SRBD1: variants seen among roughly 807,000 people sequenced by gnomAD.
SRBD1 encodes the protein S1 RNA binding domain 1.
Under a neutral mutation model 115.3 loss-of-function variants are expected in SRBD1, and 88 were observed. That is an observed-to-expected ratio of 0.76 (90% confidence interval 0.64 to 0.91). The LOEUF (loss-of-function observed/expected upper bound fraction) is 0.91, where lower values mean the gene tolerates loss of function less well. SRBD1 is among the 40% of genes least tolerant of loss of function. The probability of loss-of-function intolerance (pLI) is 0.00; values close to 1 mark genes in which losing one functional copy is unlikely to be tolerated. For missense variants in SRBD1, 1,385 were observed against 1,177.4 expected (o/e 1.18, Z -2.58); for synonymous variants, 509 against 407.7 (o/e 1.25, Z -2.99).
intron 16 of SRBD1, among the ~76,000 whole-genome samples, chr2:45,433,232 A>T (rs1668392167): frequency 6.6e-6 from 1 of 152,198 alleles, no homozygotes; most frequent in Non-Finnish European, 1.5e-5. Context: ...AGGGTAAATG[A>T]GGATATACTG....
intron 4 of SRBD1, among the ~76,000 whole-genome samples, chr2:45,598,655 T>C (rs1309007415): frequency 6.6e-6 from 1 of 151,196 alleles, no homozygotes; most frequent in Non-Finnish European, 1.5e-5. Flanking sequence ...AAAGGCAGCA[T>C]GGGTACAAAG....
rs780403371 is a variant in SRBD1 at position 45,585,784 on chromosome 2, A to G, written c.649-10T>C. 2 of 1,581,478 alleles carry G rather than the reference A, an allele frequency of 1.3e-6. No homozygotes were observed. Among genetic ancestry groups the G allele is most frequent in the South Asian group, 2.3e-5 (2 of 85,368 alleles). On this transcript the variant is annotated splice_polypyrimidine_tract_variant and intron_variant, in intron 4 of 20. Transcript: ENST00000263736. ...TTCTCTCAGATAAAACCTGCAAATT[A>G]AAGATACTTAGTGATTTAAAATGCT...
At chr2:45,488,375 G>A (rs780279653) in intron 14 of SRBD1, 44 bp from the exon 15 acceptor site, 2 of 1,550,328 alleles carry the variant, frequency 1.3e-6, no homozygotes, top group South Asian at 1.1e-5. Flanking sequence ...CTAACTTCCT[G>A]CCTGGTCAAA....
chr2:45,589,490 G>C (rs992061937), intron 4 of SRBD1, among the ~76,000 whole-genome samples: 5 of 152,182 alleles, frequency 3.3e-5, no homozygotes, highest in African/African-American at 1.2e-4. Context: ...GAAACGACAG[G>C]AATGCTCATC....
At position 45,445,550 on chromosome 2, in the gene SRBD1, T is replaced by TAAAAAAAAA. The variant is rs59451865; in HGVS notation, c.2050-25665_2050-25657dup. On this transcript the variant is annotated intron_variant, in intron 16 of 20. Coordinates refer to ENST00000263736, the MANE Select transcript of SRBD1 (RefSeq NM_018079.5). Reference sequence around the variant, plus strand: ...CACAGAAGCAATATCTTCCCAGAGGTAAAAAAAAAAAAAAAAAAAAAAAAA... The same window carrying TAAAAAAAAA: ...CACAGAAGCAATATCTTCCCAGAGGTAAAAAAAAAAAAAAAAAAAAAAAAAAAAAAAAAA... 1.9e-3 allele frequency among the ~76,000 whole-genome samples: 70 copies of TAAAAAAAAA among 37,024 alleles called. 1 individual carries two copies. Among genetic ancestry groups the TAAAAAAAAA allele is most frequent in the African/African-American group, 3.5e-3 (47 of 13,418 alleles). The allele number at this position is 37,024 out of a possible 152,430, so 24.3% of individuals were successfully genotyped here. A position where few individuals can be genotyped will look rare whatever the true frequency, so the allele number is the denominator to read the frequency against.
chr2:45,462,390 C>T (rs1669343535), intron 16 of SRBD1, among the ~76,000 whole-genome samples: 1 of 152,090 alleles, frequency 6.6e-6, no homozygotes, highest in Admixed American at 6.6e-5. Flanking sequence ...AGTTCCCTTC[C>T]AACAAAACCT....
chr2:45,438,652 T>C lies in SRBD1; in HGVS notation c.2050-18758A>G, dbSNP rs559801129. ...AAATCAGTGAACACGAAGAGAGATA[T>C]GCAGAAATTATCCTATCTGAAGACC... is the stretch of plus-strand genomic sequence containing the variant. On this transcript the variant is annotated intron_variant, in intron 16 of 20. Transcript: ENST00000263736. Among the ~76,000 whole-genome samples the C allele has an allele frequency of 5.3e-5, 8 of 152,106 alleles. No homozygotes were observed. The South Asian group carries it at 1.5e-3, about 28-fold the overall frequency.
At chr2:45,444,324 G>A (rs1467039310) in intron 16 of SRBD1, among the ~76,000 whole-genome samples, 1 of 152,152 alleles carries the variant, frequency 6.6e-6, no homozygotes, top group Non-Finnish European at 1.5e-5. Context: ...AGAGTCACTT[G>A]AGCCTAGAAG....
At chr2:45,602,600 C>T (rs533867213) in intron 2 of SRBD1, among the ~76,000 whole-genome samples, 1 of 152,206 alleles carries the variant, frequency 6.6e-6, no homozygotes, top group East Asian at 1.9e-4. Flanking sequence ...TTAATTAACC[C>T]TTTTTTCCTT....
chr2:45,531,828 T>C (rs1394001428), intron 14 of SRBD1, among the ~76,000 whole-genome samples: 1 of 151,776 alleles, frequency 6.6e-6, no homozygotes, highest in African/African-American at 2.4e-5. Flanking sequence ...TCAGACTCAG[T>C]TTCCCACTTT....
At position 45,418,551 on chromosome 2, in the gene SRBD1, A is replaced by G. The variant is rs1353207993; in HGVS notation, c.2157-10T>C. 1 of 1,590,366 alleles carries G rather than the reference A, an allele frequency of 6.3e-7. No individual in the cohort carries two copies. The highest frequency in any genetic ancestry group is 1.9e-5 in the Admixed American group (1 of 52,128). On this transcript the variant is annotated splice_polypyrimidine_tract_variant and intron_variant, in intron 17 of 20. Transcript: ENST00000263736. Reference sequence around the variant, plus strand: ...GAGTCCTGCAATATGCCTAGAAAAAAAAAATAAGCAAACTGAAAAAAAGAT... The same window carrying G: ...GAGTCCTGCAATATGCCTAGAAAAAGAAAATAAGCAAACTGAAAAAAAGAT...
chr2:45,531,929 G>T (rs4952765), intron 14 of SRBD1, among the ~76,000 whole-genome samples: 43,437 of 151,528 alleles, frequency 0.29, 6,833 homozygotes, highest in African/African-American at 0.38. Flanking sequence ...GACACTGCCT[G>T]TTATTCTTTC....
intron 4 of SRBD1, among the ~76,000 whole-genome samples, chr2:45,593,523 C>T (rs186137105): frequency 6.6e-6 from 1 of 152,142 alleles, no homozygotes. Context: ...CCCAAAGTGT[C>T]CTGAGATTTA....
chr2:45,593,909 G>T (rs1048465282), intron 4 of SRBD1, among the ~76,000 whole-genome samples: 2 of 152,134 alleles, frequency 1.3e-5, no homozygotes, highest in African/African-American at 4.8e-5. Flanking sequence ...TAGTATAAAG[G>T]GGGATTTTGA....
At chr2:45,585,472 G>C (rs1361257338) in intron 5 of SRBD1, 136 bp downstream of exon 5, 3 of 916,768 alleles carry the variant, frequency 3.3e-6, no homozygotes, top group East Asian at 2.8e-5. Context: ...GCTAAATAAA[G>C]AGGACTATAT....
rs113206174 is a variant in SRBD1, at chr2:45,488,434, G to T, written c.1875-103C>A. On this transcript the variant is annotated intron_variant, in intron 14 of 20. Transcript: ENST00000263736. Reference sequence around the variant, plus strand: ...CATTACCAGAAAAAAAAAAATAACAGGGCAAACTGTTCTCTTCATATCTCA... The same window carrying T: ...CATTACCAGAAAAAAAAAAATAACATGGCAAACTGTTCTCTTCATATCTCA... 15 of 817,542 alleles carry T rather than the reference G, an allele frequency of 1.8e-5. No individual in the cohort carries two copies. The South Asian group carries it at 2.4e-4, about 13-fold the overall frequency. The allele number at this position is 817,542 out of a possible 1,614,324, so 50.6% of individuals were successfully genotyped here. A position where few individuals can be genotyped will look rare whatever the true frequency, so the allele number is the denominator to read the frequency against.
chr2:45,484,687 C>A (rs1303066251), intron 15 of SRBD1, among the ~76,000 whole-genome samples: 3 of 152,178 alleles, frequency 2.0e-5, no homozygotes, highest in African/African-American at 7.2e-5. Context: ...CTATCAAGTT[C>A]CAAAACATTT....
intron 19 of SRBD1, among the ~76,000 whole-genome samples, chr2:45,403,230 C>T (rs1667338138): frequency 6.6e-6 from 1 of 151,848 alleles, no homozygotes; most frequent in South Asian, 2.1e-4. Flanking sequence ...GAAGTACTTA[C>T]ACAATATTTA....
chr2:45,505,399 C>G (rs1174484737), intron 14 of SRBD1, among the ~76,000 whole-genome samples: 1 of 152,112 alleles, frequency 6.6e-6, no homozygotes, highest in East Asian at 1.9e-4. Context: ...CCAGATGCCA[C>G]TATCAGAACA....
Sources: allele counts gnomAD v4.1 joint callset (sites outside exome capture counted in the v4.1 genomes callset), GRCh38; gene constraint gnomAD v4.1.1; transcripts MANE v1.5; gene names NCBI Gene and HGNC (gene_info 2026-07-23, HGNC 2026-07-21).